SLC39A11: variants seen among roughly 807,000 people sequenced by gnomAD.
The protein encoded by SLC39A11 is zinc transporter ZIP11.
In SLC39A11, 33 loss-of-function variants were observed where a neutral mutation model predicts 36.1. The ratio of observed to expected loss-of-function variants is 0.91; its 90% CI spans 0.69 to 1.22. SLC39A11 has a LOEUF of 1.22. Ranked by LOEUF, SLC39A11 falls within the 50% of genes most tolerant of loss-of-function variation. The pLI, the probability that SLC39A11 is intolerant of heterozygous loss-of-function variation, is 0.00. For synonymous variants in SLC39A11, 166 were observed against 170.3 expected (o/e 0.97, Z 0.20); for missense variants, 432 against 430.3 (o/e 1.00, Z -0.03).
intron 4 of SLC39A11, among the ~76,000 whole-genome samples, chr17:72,996,788 C>A (rs1250551904): frequency 1.3e-5 from 2 of 152,192 alleles, no homozygotes; most frequent in African/African-American, 4.8e-5. Context: ...CACTATTCAA[C>A]CCAGTATACC....
intron 3 of SLC39A11, among the ~76,000 whole-genome samples, chr17:73,050,424 G>A (rs768700690): frequency 6.1e-5 from 9 of 147,364 alleles, no homozygotes; most frequent in African/African-American, 1.2e-4. Flanking sequence ...CCATGAGGCA[G>A]TTAGGATCTT....
At chr17:72,972,778 T>C (rs928680804) in intron 4 of SLC39A11, among the ~76,000 whole-genome samples, 2 of 152,176 alleles carry the variant, frequency 1.3e-5, no homozygotes, top group African/African-American at 4.8e-5. Flanking sequence ...AAACAGGATA[T>C]TGCTCTGCCC....
At chr17:72,861,680 TATATATATAAA>T (rs1209201305) in intron 5 of SLC39A11, among the ~76,000 whole-genome samples, 1 of 122,912 alleles carries the variant, frequency 8.1e-6, no homozygotes, top group African/African-American at 3.1e-5. Context: ...TATATATATA[TATATATATAAA>T]ATATATATAT....
intron 6 of SLC39A11, among the ~76,000 whole-genome samples, chr17:72,778,388 C>T (rs2076204494): frequency 6.6e-6 from 1 of 152,342 alleles, no homozygotes; most frequent in African/African-American, 2.4e-5. Flanking sequence ...TCGGCCGGCA[C>T]AATCAGGGGA....
At chr17:72,792,257 A>C (rs778753946) in intron 6 of SLC39A11, among the ~76,000 whole-genome samples, 9 of 152,248 alleles carry the variant, frequency 5.9e-5, no homozygotes, top group African/African-American at 1.7e-4. Flanking sequence ...TGTGCAAGGC[A>C]GGTTCTGTAG....
intron 4 of SLC39A11, among the ~76,000 whole-genome samples, chr17:72,975,217 T>A (rs2087755818): frequency 6.6e-6 from 1 of 152,132 alleles, no homozygotes; most frequent in Non-Finnish European, 1.5e-5. Flanking sequence ...GGCACATGGA[T>A]CACCTAAGGT....
intron 4 of SLC39A11, among the ~76,000 whole-genome samples, chr17:72,995,950 T>C (rs1232572705): frequency 2.6e-5 from 4 of 152,042 alleles, no homozygotes; most frequent in African/African-American, 9.7e-5. Flanking sequence ...CTTCTGAACA[T>C]CTTTTTTTTA....
rs386386565 is a variant in SLC39A11 at position 72,740,056 on chromosome 17, CTTTTTTT to C, written c.602-3344_602-3338del. Among the ~76,000 whole-genome samples, 57 of 81,468 alleles carry C rather than the reference CTTTTTTT, an allele frequency of 7.0e-4. No individual in the cohort carries two copies. In the East Asian group the frequency reaches 0.014, roughly 20 times the overall value. 53.4% of individuals were successfully genotyped at this position (81,468 alleles called of 152,430 possible). A position where few individuals can be genotyped will look rare whatever the true frequency, so the allele number is the denominator to read the frequency against. On this transcript the variant is annotated intron_variant, in intron 6 of 9. Transcript: ENST00000255559. Reference sequence around the variant, plus strand: ...AGCTAGATAGAATTTCTTTCCTTTTCTTTTTTTTTTTTTTTTTTTTTTTTGAGATGGA... The same window carrying C: ...AGCTAGATAGAATTTCTTTCCTTTTCTTTTTTTTTTTTTTTTTGAGATGGA...
intron 4 of SLC39A11, among the ~76,000 whole-genome samples, chr17:72,960,518 G>A (rs1362808623): frequency 6.6e-5 from 10 of 152,152 alleles, no homozygotes; most frequent in Admixed American, 6.6e-4. Context: ...CAGGCTGGAT[G>A]TGGTGGTTCA....
At chr17:72,718,519 A>G (rs1395293461) in intron 7 of SLC39A11, among the ~76,000 whole-genome samples, 1 of 152,116 alleles carries the variant, frequency 6.6e-6, no homozygotes, top group African/African-American at 2.4e-5. Flanking sequence ...AGACATTTTC[A>G]CAACTGAGTT....
intron 3 of SLC39A11, among the ~76,000 whole-genome samples, chr17:73,074,524 C>T (rs901607412): frequency 6.6e-6 from 1 of 152,156 alleles, no homozygotes; most frequent in Non-Finnish European, 1.5e-5. Context: ...GTCTCGAACT[C>T]CTGGCCTCGT....
At chr17:72,707,228 C>T (rs1378422587) in intron 7 of SLC39A11, among the ~76,000 whole-genome samples, 4 of 152,038 alleles carry the variant, frequency 2.6e-5, no homozygotes, top group African/African-American at 4.8e-5. Flanking sequence ...AGGAAGACCC[C>T]CATTGCTACA....
At chr17:72,831,373 A>T (rs2078279291) in intron 6 of SLC39A11, among the ~76,000 whole-genome samples, 3 of 152,208 alleles carry the variant, frequency 2.0e-5, no homozygotes. Context: ...TCCAATAGTC[A>T]GGATAACTGC....
intron 5 of SLC39A11, among the ~76,000 whole-genome samples, chr17:72,916,416 C>A (rs1324218026): frequency 2.0e-5 from 3 of 149,648 alleles, no homozygotes; most frequent in Non-Finnish European, 4.5e-5. Flanking sequence ...CAGGGCCAGT[C>A]CCAGGAGTTC....
At chr17:72,698,916 T>C (rs543427826) in intron 7 of SLC39A11, among the ~76,000 whole-genome samples, 8 of 152,300 alleles carry the variant, frequency 5.3e-5, no homozygotes, top group South Asian at 2.1e-4. Flanking sequence ...CTGCAAGCTC[T>C]GCTTCCTGGG....
chr17:72,732,921 A>G (rs2074288550), intron 7 of SLC39A11, among the ~76,000 whole-genome samples: 1 of 152,216 alleles, frequency 6.6e-6, no homozygotes, highest in African/African-American at 2.4e-5. Context: ...CCTATCCTGC[A>G]CATCATTTAC....
chr17:72,812,992 C>T lies in SLC39A11; in HGVS notation c.601+36642G>A, dbSNP rs550192666. Among the ~76,000 whole-genome samples the T allele has an allele frequency of 6.6e-5, 10 of 152,262 alleles. No homozygotes were observed. The East Asian group carries it at 9.6e-4, about 15-fold the overall frequency. On this transcript the variant is annotated intron_variant, in intron 6 of 9. Coordinates refer to ENST00000255559, the MANE Select transcript of SLC39A11 (RefSeq NM_139177.4). ...CAACCTGACCTGGATTCTCCCAATC[C>T]GATTTTCTCTTCCAGAATTGAAAGT... is the stretch of plus-strand genomic sequence containing the variant.
chr17:72,730,195 T>A (rs1460986811), intron 7 of SLC39A11, among the ~76,000 whole-genome samples: 1 of 152,204 alleles, frequency 6.6e-6, no homozygotes, highest in Non-Finnish European at 1.5e-5. Flanking sequence ...TCCCCCACCA[T>A]GACTGTGTTT....
At chr17:72,983,662 A>G (rs2088497582) in intron 4 of SLC39A11, among the ~76,000 whole-genome samples, 1 of 152,170 alleles carries the variant, frequency 6.6e-6, no homozygotes, top group Non-Finnish European at 1.5e-5. Context: ...AAAATAAGTA[A>G]CCAGAAGACA....
Sources: gnomAD v4.1 joint callset for allele counts (sites outside exome capture counted in the v4.1 genomes callset) on GRCh38, gnomAD v4.1.1 for gene constraint, MANE v1.5 for transcripts, NCBI Gene and HGNC (gene_info 2026-07-23, HGNC 2026-07-21) for gene names.